The following RLIG1 variants were observed in gnomAD, a reference collection of about 807,000 sequenced individuals.
RLIG1 encodes the protein RNA ligase 1.
At chr12:88,041,410 C>T in the RLIG1 span, among the ~76,000 whole-genome samples, 1 of 152,166 alleles carries the variant, frequency 6.6e-6, no homozygotes, top group Non-Finnish European at 1.5e-5. Context: ...TGTAAACAGG[C>T]ATGAACAGAT....
the RLIG1 span, chr12:88,047,060 A>G: frequency 7.8e-7 from 1 of 1,278,798 alleles, no homozygotes; most frequent in East Asian, 2.5e-5. Flanking sequence ...TTCTCTCTAC[A>G]AATGGCAGCA....
chr12:88,049,002 A>G, the RLIG1 span: 2 of 407,684 alleles, frequency 4.9e-6, no homozygotes, highest in South Asian at 9.2e-5. Context: ...GTCTTCAAGT[A>G]TATACTTTTA....
the RLIG1 span, among the ~76,000 whole-genome samples, chr12:88,041,151 A>G: frequency 6.6e-6 from 1 of 152,124 alleles, no homozygotes; most frequent in Non-Finnish European, 1.5e-5. Flanking sequence ...TCCTGTCTCT[A>G]TGAATTTGAC....
At chr12:88,048,398 C>A in the RLIG1 span, 2 of 1,495,532 alleles carry the variant, frequency 1.3e-6, 1 homozygote, top group South Asian at 2.4e-5. Flanking sequence ...TTGTTAGACT[C>A]AAAGATATAA....
At chr12:88,043,473 T>C in the RLIG1 span, 1 of 602,574 alleles carries the variant, frequency 1.7e-6, no homozygotes, top group Non-Finnish European at 2.9e-6. Flanking sequence ...TGATAATGAA[T>C]GGAGAATAAT....
the RLIG1 span, chr12:88,035,543 G>A: frequency 4.2e-6 from 5 of 1,200,368 alleles, no homozygotes; most frequent in South Asian, 2.6e-5. Flanking sequence ...GGCGCGGAGT[G>A]TGCGTGGCCT....
At chr12:88,040,787 G>A in the RLIG1 span, among the ~76,000 whole-genome samples, 4 of 63,408 alleles carry the variant, frequency 6.3e-5, no homozygotes, top group South Asian at 7.1e-4. Flanking sequence ...AGAAATGTAC[G>A]GAAAAGAGAT....
the RLIG1 span, chr12:88,043,770 A>G: frequency 8.4e-7 from 1 of 1,193,870 alleles, no homozygotes. Context: ...AATGATCAAA[A>G]TATCCATTCA....
chr12:88,044,229 G>T, the RLIG1 span: 1 of 156,688 alleles, frequency 6.4e-6, no homozygotes, highest in Non-Finnish European at 1.4e-5. Context: ...CCATGATCGT[G>T]CCACTGCACT....
chr12:88,046,312 T>C, the RLIG1 span, among the ~76,000 whole-genome samples: 6 of 152,124 alleles, frequency 3.9e-5, no homozygotes, highest in Admixed American at 2.6e-4. Flanking sequence ...AAAAGAAGAC[T>C]GCCAGGTGTA....
chr12:88,047,402 G>T, the RLIG1 span, among the ~76,000 whole-genome samples: 2 of 152,060 alleles, frequency 1.3e-5, no homozygotes, highest in Non-Finnish European at 2.9e-5. Flanking sequence ...TTGTCTGTTT[G>T]ATTTCTCACA....
At chr12:88,045,906 T>C in the RLIG1 span, 2 of 689,306 alleles carry the variant, frequency 2.9e-6, no homozygotes, top group South Asian at 4.0e-5. Flanking sequence ...TTTCCTAGGA[T>C]TATATCCATT....
the RLIG1 span, chr12:88,048,459 C>T: frequency 1.0e-6 from 1 of 1,004,826 alleles, no homozygotes. Context: ...ATATTCTAAT[C>T]TTGAATATTC....
chr12:88,041,409 G>T, the RLIG1 span, among the ~76,000 whole-genome samples: 9 of 152,140 alleles, frequency 5.9e-5, no homozygotes, highest in African/African-American at 2.2e-4. Context: ...CTGTAAACAG[G>T]CATGAACAGA....
At chr12:88,038,281 C>T in the RLIG1 span, among the ~76,000 whole-genome samples, 22 of 152,130 alleles carry the variant, frequency 1.4e-4, no homozygotes, top group African/African-American at 4.8e-4. Context: ...GTGATGCCAG[C>T]GGGTTTTACT....
the RLIG1 span, chr12:88,040,294 A>C: frequency 2.4e-6 from 3 of 1,233,438 alleles, no homozygotes; most frequent in East Asian, 7.5e-5. Context: ...ATTTACTACA[A>C]ATATTACTTA....
the RLIG1 span, among the ~76,000 whole-genome samples, chr12:88,038,773 A>C: frequency 6.6e-6 from 1 of 152,194 alleles, no homozygotes; most frequent in South Asian, 2.1e-4. Flanking sequence ...CTGAAAATTA[A>C]GATGCTTTTA....
At chr12:88,037,446 T>C in the RLIG1 span, among the ~76,000 whole-genome samples, 1 of 152,142 alleles carries the variant, frequency 6.6e-6, no homozygotes, top group Admixed American at 6.5e-5. Context: ...AAAGAGCAGA[T>C]GATTGATTTT....
the RLIG1 span, among the ~76,000 whole-genome samples, chr12:88,040,729 T>C: frequency 6.6e-6 from 1 of 152,162 alleles, no homozygotes; most frequent in Non-Finnish European, 1.5e-5. Context: ...CACTTTAATG[T>C]AGTTTAAAAG....
Sources: gnomAD v4.1 joint callset for allele counts (sites outside exome capture counted in the v4.1 genomes callset) on GRCh38, gnomAD v4.1.1 for gene constraint, MANE v1.5 for transcripts, NCBI Gene and HGNC (gene_info 2026-07-23, HGNC 2026-07-21) for gene names.